The following TMEM82 variants were observed in gnomAD, a reference collection of about 807,000 sequenced individuals.
TMEM82 encodes the protein transmembrane protein 82.
In TMEM82, 30 loss-of-function variants were observed where a neutral mutation model predicts 29.2. The observed-to-expected ratio is 1.03, with a 90% CI of 0.77 to 1.39. TMEM82 has a LOEUF of 1.39. Among genes scored for constraint, TMEM82 ranks in the 40% most tolerant of loss-of-function variants. TMEM82 has a pLI of 0.00. For synonymous variants in TMEM82, 221 were observed against 225.4 expected (o/e 0.98, Z 0.18); for missense variants, 442 against 447.7 (o/e 0.99, Z 0.12).
At position 15,744,259 on chromosome 1, in the gene TMEM82, G is replaced by T. The variant is rs192441208; in HGVS notation, c.436G>T (p.Ala146Ser). The change falls in exon 4 of 6, where the codon GCC (alanine) becomes TCC (serine). Residue 146 changes from alanine to serine, a missense_variant. By Grantham distance (99) the Ala-to-Ser change is moderately conservative (BLOSUM62 1). Transcript: ENST00000375782. This position sits in a 1 kb window ranked among gnomAD's most constrained non-coding sequence, Gnocchi z 5.2. ...TCGLSFLQEG[A>S]PHRTLNLLLS... ...TGGCCTGAGCTTCCTGCAGGAGGGC[G>T]CCCCTCACCGCACGCTGAACCTGCT... The T allele has an allele frequency of 6.4e-7, 1 of 1,570,452 alleles. No individual in the cohort carries two copies. Among genetic ancestry groups the T allele is most frequent in the Non-Finnish European group, 8.6e-7 (1 of 1,163,178 alleles).
chr1:15,746,791 G>A (rs1569613283), intron 4 of TMEM82, 76 bp from the exon 5 acceptor site: 1 of 1,296,890 alleles, frequency 7.7e-7, no homozygotes, highest in Non-Finnish European at 1.1e-6. Flanking sequence ...CTCATCCTGT[G>A]GAGGGTGGGT....
chr1:15,746,847 C>G lies in TMEM82; in HGVS notation c.758-20C>G, dbSNP rs776586992. 20 of 1,544,550 alleles carry G rather than the reference C, an allele frequency of 1.3e-5. No individual in the cohort carries two copies. Among genetic ancestry groups the G allele is most frequent in the Non-Finnish European group, 1.7e-5 (19 of 1,149,612 alleles). On this transcript the variant is annotated intron_variant, in intron 4 of 5. Transcript: ENST00000375782. ...TCCGGGGTGTGTGGTCGGACGGTGA[C>G]AGGCACCCGCATCCCACAGAGGAGC...
Position 15,746,969 on chromosome 1 carries a change from ACCT to A in TMEM82, c.861_863del (p.Asp287_Leu288delinsGlu). The A allele has an allele frequency of 6.2e-7, 1 of 1,610,892 alleles. No homozygotes were observed. Among genetic ancestry groups the A allele is most frequent in the South Asian group, 1.1e-5 (1 of 91,006 alleles). ...CTGCTGACTGTGGGTCGCTGGCTGG[ACCT>A]GCTGGGCATCCTTGTCTCCCTACTG... On this transcript the variant is annotated inframe_deletion, in exon 5 of 6. Transcript: ENST00000375782.
At position 15,742,825 on chromosome 1, in the gene TMEM82, G is replaced by GC; in HGVS notation, c.89-5dup. The GC allele has an allele frequency of 6.2e-7, 1 of 1,609,708 alleles. No homozygotes were observed. The highest frequency in any genetic ancestry group is 8.5e-7 in the Non-Finnish European group (1 of 1,178,120). On this transcript the variant is annotated splice_polypyrimidine_tract_variant and intron_variant, in intron 1 of 5. Coordinates refer to ENST00000375782, the MANE Select transcript of TMEM82 (RefSeq NM_001013641.3). Reference sequence around the variant, plus strand: ...CACGCTGCCTCGCTGCCTCCCTCCCGCCCCCTCAGGCCTGATCGGGGCCCT... The same window carrying GC: ...CACGCTGCCTCGCTGCCTCCCTCCCGCCCCCCTCAGGCCTGATCGGGGCCCT...
Position 15,744,547 on chromosome 1 carries a change from A to G in TMEM82, c.724A>G (p.Ile242Val), listed in dbSNP as rs1211203835. The G allele has an allele frequency of 7.4e-6, 12 of 1,611,786 alleles. No homozygotes were observed. Among genetic ancestry groups the G allele is most frequent in the Non-Finnish European group, 1.0e-5 (12 of 1,179,576 alleles). The change falls in exon 4 of 6, where the codon ATC becomes GTC. Residue 242 changes from isoleucine to valine, a missense_variant. Coordinates refer to ENST00000375782, the MANE Select transcript of TMEM82 (RefSeq NM_001013641.3). This position sits in a 1 kb window ranked among gnomAD's most constrained non-coding sequence, Gnocchi z 5.2. Reference protein sequence around the residue: ...EAMRFWTPLTICYTLLVIYMQ... With the variant: ...EAMRFWTPLTVCYTLLVIYMQ... ...CATGCGGTTCTGGACACCGCTCACC[A>G]TCTGCTACACGCTGCTGGTCATCTA...
chr1:15,743,456 G>A (rs774493617), intron 3 of TMEM82, among the ~76,000 whole-genome samples: 5 of 152,252 alleles, frequency 3.3e-5, no homozygotes, highest in Non-Finnish European at 7.3e-5. Context: ...CAGGCCCTGC[G>A]CCGAGTGCAC....
chr1:15,747,136 A>C, intron 5 of TMEM82, 82 bp downstream of exon 5: 1 of 1,462,232 alleles, frequency 6.8e-7, no homozygotes, highest in Non-Finnish European at 9.3e-7. Context: ...CTCAAGTTTA[A>C]GAAGAGCCAG....
Position 15,746,919 on chromosome 1 carries a change from G to A in TMEM82, c.810G>A (p.Val270=). 6.2e-7 allele frequency: 1 copy of A among 1,607,264 alleles called. No homozygotes were observed. Among genetic ancestry groups the A allele is most frequent in the African/African-American group, 1.3e-5 (1 of 75,048 alleles). The change falls in exon 5 of 6, where the codon GTG becomes GTA. Residue 270 remains valine, a synonymous_variant. Transcript: ENST00000375782. ...AGAGCCAGGTGCAGACGGTGCTGGT[G>A]CGCATGGGCGGCCTCTTCGTGCTGC... ...GLQSQVQTVL[V]RMGGLFVLLL...
rs143073415 is a variant in TMEM82, at chr1:15,743,079, C to G, written c.221C>G (p.Thr74Arg). ...CGGGCCCAGTGGGCCTCCCTGGAAA[C>G]GGTGCACCTGGCAGGGCTGGCCCTG... Reference protein sequence around the residue: ...RLRAQWASLETVHLAGLALFL... With the variant: ...RLRAQWASLERVHLAGLALFL... Residue 74 changes from threonine (T) to arginine (R), a missense_variant, in exon 3 of 6, where the codon ACG becomes AGG. By Grantham distance (71) the Thr-to-Arg change is moderately conservative. Transcript: ENST00000375782. 5.6e-6 allele frequency: 9 copies of G among 1,609,578 alleles called. No homozygotes were observed. The East Asian group carries it at 2.0e-4, about 36-fold the overall frequency.
At chr1:15,747,143 C>T (rs1569614373) in intron 5 of TMEM82, 89 bp downstream of exon 5, 1 of 1,400,100 alleles carries the variant, frequency 7.1e-7, no homozygotes, top group East Asian at 2.3e-5. Context: ...TTAAGAAGAG[C>T]CAGCTGGGCA....
In TMEM82 at chr1:15,744,600, C is replaced by G. The variant is rs906082907; in HGVS notation, c.757+20C>G. The G allele has an allele frequency of 5.7e-6, 9 of 1,582,702 alleles. No homozygotes were observed. Among genetic ancestry groups the G allele is most frequent in the Non-Finnish European group, 7.7e-6 (9 of 1,162,840 alleles). ...TGCAGGGTGAGCGCTGCGGGGCCTGCTCCATTCAATCCACGCACATCCCTC... is the reference window on the plus strand; with the variant it reads ...TGCAGGGTGAGCGCTGCGGGGCCTGGTCCATTCAATCCACGCACATCCCTC... On this transcript the variant is annotated intron_variant, in intron 4 of 5. Transcript: ENST00000375782. This position sits in a 1 kb window ranked among gnomAD's most constrained non-coding sequence, Gnocchi z 5.2.
In TMEM82 at chr1:15,742,661, C is replaced by T; in HGVS notation, c.88+14C>T. The T allele has an allele frequency of 1.2e-6, 2 of 1,604,606 alleles. No homozygotes were observed. The highest frequency in any genetic ancestry group is 1.7e-6 in the Non-Finnish European group (2 of 1,176,004). ...CCCTCCTGCAAGGTGAGCACCTCGC[C>T]CCATTCCTGCCTTGGCCCCGCCCCC... On this transcript the variant is annotated intron_variant, in intron 1 of 5. Transcript: ENST00000375782.
chr1:15,746,664 G>C (rs991252188), intron 4 of TMEM82, among the ~76,000 whole-genome samples: 1 of 152,150 alleles, frequency 6.6e-6, no homozygotes, highest in Admixed American at 6.5e-5. Flanking sequence ...CCAGTTGGAG[G>C]CCTGTGGGCT....
At chr1:15,742,681 G>T in intron 1 of TMEM82, 34 bp downstream of exon 1, 1 of 1,579,280 alleles carries the variant, frequency 6.3e-7, no homozygotes, top group Non-Finnish European at 8.6e-7. Flanking sequence ...CCTTGGCCCC[G>T]CCCCCTTCCA....
intron 4 of TMEM82, among the ~76,000 whole-genome samples, chr1:15,746,359 G>A (rs1180276001): frequency 6.7e-6 from 1 of 148,210 alleles, no homozygotes; most frequent in African/African-American, 2.5e-5. Context: ...GTGGTGGTGA[G>A]CCAAGATCAT....
chr1:15,747,182 C>A (rs60384567), intron 5 of TMEM82, 128 bp downstream of exon 5: 3 of 1,007,114 alleles, frequency 3.0e-6, no homozygotes, highest in Non-Finnish European at 4.3e-6. Flanking sequence ...ATCCCAAATA[C>A]TCAGGAGGCT....
chr1:15,742,946 G>T (rs1261231642), intron 2 of TMEM82, 39 bp downstream of exon 2: 2 of 1,609,520 alleles, frequency 1.2e-6, no homozygotes, highest in African/African-American at 2.7e-5. Flanking sequence ...ATGTGGCTGG[G>T]GGCACGGGGA....
chr1:15,745,514 G>GGAAAGAAAGAAAGAGAGAAAGAGAGAGA (rs2068327325), intron 4 of TMEM82, among the ~76,000 whole-genome samples: 2 of 137,598 alleles, frequency 1.5e-5, no homozygotes, highest in East Asian at 4.0e-4. Context: ...GAGAGATTCT[G>GGAAAGAAAGAAAGAGAGAAAGAGAGAGA]GAAAGAAAGA....
rs2148393960 is a variant in TMEM82, at chr1:15,743,045, G to A, written c.187G>A (p.Glu63Lys). 2 of 1,602,764 alleles carry A rather than the reference G, an allele frequency of 1.2e-6. No individual in the cohort carries two copies. The highest frequency in any genetic ancestry group is 1.7e-6 in the Non-Finnish European group (2 of 1,174,512). The part of the protein sequence containing the change: ...ANDPQRRPEK[E>K]RLRAQWASLE... ...TGACCCGCAGCGGCGACCCGAAAAG[G>A]AGCGGCTTCGGGCCCAGTGGGCCTC... Residue 63 changes from glutamate to lysine, a missense_variant, in exon 3 of 6, where the codon GAG becomes AAG. Transcript: ENST00000375782.
Sources: allele counts gnomAD v4.1 joint callset (sites outside exome capture counted in the v4.1 genomes callset), GRCh38; gene constraint gnomAD v4.1.1; non-coding constraint Gnocchi (gnomAD v3.1); transcripts MANE v1.5; gene names NCBI Gene and HGNC (gene_info 2026-07-23, HGNC 2026-07-21).